The following VPS41 variants were observed in gnomAD, a reference collection of about 807,000 sequenced individuals.
VPS41 encodes the protein vacuolar protein sorting-associated protein 41 homolog.
Under a neutral mutation model 130.9 loss-of-function variants are expected in VPS41, and 85 were observed. The ratio of observed to expected loss-of-function variants is 0.65; its 90% CI spans 0.55 to 0.78. The LOEUF is 0.78. VPS41 is among the 30% of genes least tolerant of loss of function. The pLI, the probability that VPS41 is intolerant of heterozygous loss-of-function variation, is 0.00. For synonymous variants in VPS41, 335 were observed against 332.9 expected, an observed-to-expected ratio of 1.01 and a Z score of -0.07; for missense variants, 874 against 1,018.7, an observed-to-expected ratio of 0.86 and a Z score of 1.93.
intron 4 of VPS41, among the ~76,000 whole-genome samples, chr7:38,844,527 T>TA (rs980954487): frequency 6.6e-6 from 1 of 151,782 alleles, no homozygotes; most frequent in Non-Finnish European, 1.5e-5. Context: ...GGAAATAATC[T>TA]AAAAAAAATA....
In VPS41 at chr7:38,758,450, C is replaced by A. The variant is rs1289386401; in HGVS notation, c.1454G>T (p.Gly485Val). 2.5e-5 allele frequency: 40 copies of A among 1,613,014 alleles called. No individual in the cohort carries two copies. Among genetic ancestry groups the A allele is most frequent in the Non-Finnish European group, 3.1e-5 (36 of 1,179,662 alleles). Residue 485 changes from glycine (G) to valine (V), a missense_variant, in exon 18 of 29, where the codon GGA becomes GTA. Physicochemically the swap from Gly to Val is moderately radical, Grantham distance 109. Coordinates refer to ENST00000310301, the MANE Select transcript of VPS41 (RefSeq NM_014396.4). The part of the protein sequence containing the change: ...GFATLIREWP[G>V]DLYNNSVIVQ... ...TATGACTGAATTATTATACAGATCT[C>A]CAGGCCATTCTCGGATCAATGTGGC...
Position 38,772,701 on chromosome 7 carries a change from C to A in VPS41, c.1013-64G>T, listed in dbSNP as rs1312234613. ...ACAGCAGAAAACTTGGCAATGGTTTCAGAGGACCTGGTTAGGTTACCCAAC... is the reference window on the plus strand; with the variant it reads ...ACAGCAGAAAACTTGGCAATGGTTTAAGAGGACCTGGTTAGGTTACCCAAC... On this transcript the variant is annotated intron_variant, in intron 12 of 28. Transcript: ENST00000310301. 4 of 1,152,600 alleles carry A rather than the reference C, an allele frequency of 3.5e-6. No individual in the cohort carries two copies. In the African/African-American group the frequency reaches 6.1e-5, roughly 18 times the overall value. The allele number at this position is 1,152,600 out of a possible 1,614,324, so 71.4% of individuals were successfully genotyped here.
intron 4 of VPS41, among the ~76,000 whole-genome samples, chr7:38,858,045 C>G (rs1786023424): frequency 6.6e-6 from 1 of 152,148 alleles, no homozygotes; most frequent in Non-Finnish European, 1.5e-5. Context: ...GACCAAGGTT[C>G]TTACTATGTA....
At chr7:38,864,558 G>T (rs1046036333) in intron 3 of VPS41, among the ~76,000 whole-genome samples, 17 of 152,060 alleles carry the variant, frequency 1.1e-4, no homozygotes, top group African/African-American at 4.1e-4. Flanking sequence ...TTCAAAAAAA[G>T]TTTACTAAGC....
intron 17 of VPS41, among the ~76,000 whole-genome samples, chr7:38,763,123 A>G (rs1216748966): frequency 6.6e-6 from 1 of 152,144 alleles, no homozygotes; most frequent in African/African-American, 2.4e-5. Flanking sequence ...TTCACAGAAC[A>G]CTCATAATTC....
intron 4 of VPS41, 135 bp from the exon 5 acceptor site, chr7:38,830,463 A>G: frequency 1.4e-6 from 1 of 700,438 alleles, no homozygotes; most frequent in East Asian, 2.5e-5. Context: ...TATCTTACAC[A>G]AAGCACAGTA....
chr7:38,896,628 G>A (rs566628590), intron 2 of VPS41, among the ~76,000 whole-genome samples: 13 of 152,096 alleles, frequency 8.5e-5, no homozygotes, highest in Non-Finnish European at 1.5e-4. Context: ...AATGTGACCC[G>A]GGGAGCCAAA....
intron 9 of VPS41, among the ~76,000 whole-genome samples, chr7:38,794,125 A>G (rs1455509917): frequency 6.6e-6 from 1 of 152,198 alleles, no homozygotes; most frequent in Non-Finnish European, 1.5e-5. Context: ...TCACCATAAG[A>G]AAAGAAAATC....
chr7:38,744,221 T>C (rs533920430), intron 23 of VPS41, among the ~76,000 whole-genome samples: 1 of 152,298 alleles, frequency 6.6e-6, no homozygotes, highest in East Asian at 1.9e-4. Flanking sequence ...GGCATTTTAA[T>C]AGTTTAAAGT....
At position 38,767,607 on chromosome 7, in the gene VPS41, A is replaced by G. The variant is rs762651515; in HGVS notation, c.1186-9T>C. The G allele has an allele frequency of 6.2e-7, 1 of 1,604,532 alleles. No homozygotes were observed. The highest frequency in any genetic ancestry group is 8.5e-7 in the Non-Finnish European group (1 of 1,173,740). ...TATGCCAAGCCAATATCCTAGAGAA[A>G]GCCAAATGAAGAAATGTCAAAATTT... On this transcript the variant is annotated splice_polypyrimidine_tract_variant and intron_variant, in intron 14 of 28. Coordinates refer to ENST00000310301, the MANE Select transcript of VPS41 (RefSeq NM_014396.4).
intron 7 of VPS41, among the ~76,000 whole-genome samples, chr7:38,814,197 C>T (rs1784995000): frequency 6.6e-6 from 1 of 152,170 alleles, no homozygotes; most frequent in South Asian, 2.1e-4. Flanking sequence ...ATATCAAATG[C>T]TAAGTAAAAG....
rs1007777805 is a variant in VPS41, at chr7:38,866,859, G to A, written c.168+2287C>T. ...ATCAATAGGAAAAGAATGGTGTCAC[G>A]ATAAAGAAGTTTTGAGAAGAAAGGT... On this transcript the variant is annotated intron_variant, in intron 3 of 28. Transcript: ENST00000310301. Among the ~76,000 whole-genome samples the A allele has an allele frequency of 9.2e-5, 14 of 152,134 alleles. No individual in the cohort carries two copies. In the South Asian group the frequency reaches 1.9e-3, roughly 20 times the overall value.
At chr7:38,880,822 T>C (rs1584442803) in intron 2 of VPS41, among the ~76,000 whole-genome samples, 1 of 152,224 alleles carries the variant, frequency 6.6e-6, no homozygotes, top group African/African-American at 2.4e-5. Flanking sequence ...CTTGACAGCA[T>C]AGAATCAGGC....
intron 2 of VPS41, among the ~76,000 whole-genome samples, chr7:38,887,505 A>T (rs1562624443): frequency 6.6e-6 from 1 of 152,010 alleles, no homozygotes; most frequent in Non-Finnish European, 1.5e-5. Context: ...AACAAACAAC[A>T]CCTCCAAGAA....
At chr7:38,789,076 C>T in intron 10 of VPS41, among the ~76,000 whole-genome samples, 1 of 152,084 alleles carries the variant, frequency 6.6e-6, no homozygotes, top group African/African-American at 2.4e-5. Context: ...AGTCATGGTA[C>T]ATCATCCAGG....
intron 25 of VPS41, among the ~76,000 whole-genome samples, chr7:38,741,596 C>T (rs1222501475): frequency 6.6e-6 from 1 of 152,154 alleles, no homozygotes; most frequent in Admixed American, 6.5e-5. Context: ...TGTTAATTCC[C>T]TCAAACGGAT....
chr7:38,807,903 AG>A (rs1784870726), intron 7 of VPS41, among the ~76,000 whole-genome samples: 1 of 152,250 alleles, frequency 6.6e-6, no homozygotes, highest in African/African-American at 2.4e-5. Flanking sequence ...GAATAAGCAC[AG>A]GACTCTCCAT....
At chr7:38,788,155 T>A (rs888330536) in intron 10 of VPS41, among the ~76,000 whole-genome samples, 15 of 152,080 alleles carry the variant, frequency 9.9e-5, no homozygotes, top group Non-Finnish European at 1.6e-4. Flanking sequence ...CCCACACCCA[T>A]CCTAAAAGAT....
chr7:38,866,393 C>T (rs1786230222), intron 3 of VPS41, among the ~76,000 whole-genome samples: 2 of 152,162 alleles, frequency 1.3e-5, no homozygotes, highest in African/African-American at 2.4e-5. Context: ...TCTGTGGAGG[C>T]AGTAGAAGAT....
Sources: gnomAD v4.1 joint callset for allele counts (sites outside exome capture counted in the v4.1 genomes callset) on GRCh38, gnomAD v4.1.1 for gene constraint, MANE v1.5 for transcripts, NCBI Gene and HGNC (gene_info 2026-07-23, HGNC 2026-07-21) for gene names.